LMLN: variants seen among roughly 807,000 people sequenced by gnomAD.
LMLN encodes leishmanolysin-like peptidase.
LMLN carries 70 observed loss-of-function variants against 92.3 expected under a neutral mutation model. The ratio of observed to expected loss-of-function variants is 0.76; its 90% CI spans 0.63 to 0.92. The LOEUF (loss-of-function observed/expected upper bound fraction) is 0.92. Among genes scored for constraint, LMLN ranks in the 40% least tolerant of loss-of-function variants. LMLN has a pLI of 0.00. For synonymous variants in LMLN, 308 were observed against 296.2 expected (o/e 1.04, Z -0.41); for missense variants, 691 against 814.6 (o/e 0.85, Z 1.85).
exon 16 of LMLN, chr3:198,040,305 A>C (rs1193251672): frequency 6.6e-6 from 1 of 152,218 alleles, no homozygotes; most frequent in Non-Finnish European, 1.5e-5. Context: ...TCTGCATTTG[A>C]CACTCCTCCT....
chr3:198,023,097 C>T (rs939891350), intron 13 of LMLN, among the ~76,000 whole-genome samples: 6 of 152,088 alleles, frequency 3.9e-5, no homozygotes, highest in African/African-American at 9.7e-5. Flanking sequence ...CAGCCGTTAC[C>T]GTCTGAAAGC....
chr3:197,985,812 T>A, exon 8 of LMLN: 3 of 1,613,260 alleles, frequency 1.9e-6, no homozygotes, highest in Non-Finnish European at 2.5e-6. Context: ...TCTGCTGGGC[T>A]GTTTGCATTC....
At chr3:197,985,828 T>A in exon 8 of LMLN, 1 of 1,613,764 alleles carries the variant, frequency 6.2e-7, no homozygotes. Context: ...CATTCTACCA[T>A]GATAAAGATG....
intron 14 of LMLN, among the ~76,000 whole-genome samples, chr3:198,028,986 G>A (rs1479811650): frequency 6.6e-6 from 1 of 151,942 alleles, no homozygotes; most frequent in African/African-American, 2.4e-5. Flanking sequence ...GACGTCTCAA[G>A]TACATTTGGT....
At chr3:198,040,362 T>G (rs1022290302) in exon 16 of LMLN, 2 of 152,264 alleles carry the variant, frequency 1.3e-5, no homozygotes, top group African/African-American at 4.8e-5. Context: ...ACACTGGTAC[T>G]AGAGCTTACC....
intron 11 of LMLN, among the ~76,000 whole-genome samples, chr3:198,002,680 G>A (rs1206180313): frequency 1.3e-5 from 2 of 152,236 alleles, no homozygotes; most frequent in Non-Finnish European, 2.9e-5. Context: ...AGAGCTTGTA[G>A]TGAGCTGGGA....
intron 14 of LMLN, among the ~76,000 whole-genome samples, chr3:198,026,956 G>A (rs1009207576): frequency 2.6e-5 from 4 of 152,124 alleles, no homozygotes; most frequent in Non-Finnish European, 5.9e-5. Context: ...GGAAATGTAT[G>A]TATATGTATC....
At chr3:197,993,278 G>C (rs1721926706) in intron 9 of LMLN, among the ~76,000 whole-genome samples, 1 of 152,080 alleles carries the variant, frequency 6.6e-6, no homozygotes, top group Non-Finnish European at 1.5e-5. Flanking sequence ...TCAGGCCATA[G>C]AAATAAATAA....
At chr3:197,960,406 C>A in exon 1 of LMLN, 1 of 1,613,966 alleles carries the variant, frequency 6.2e-7, no homozygotes, top group Non-Finnish European at 8.5e-7. Flanking sequence ...GGCAGTTCCC[C>A]TCCCTGCCGG....
chr3:198,000,970 A>G (rs1486589467), intron 11 of LMLN, among the ~76,000 whole-genome samples: 3 of 152,080 alleles, frequency 2.0e-5, no homozygotes, highest in Non-Finnish European at 4.4e-5. Context: ...AGAAATGTTA[A>G]TCAAGATCCA....
At chr3:198,018,430 G>C (rs1722696844) in intron 11 of LMLN, among the ~76,000 whole-genome samples, 1 of 152,210 alleles carries the variant, frequency 6.6e-6, no homozygotes, top group African/African-American at 2.4e-5. Flanking sequence ...ACAGAAGTGT[G>C]GCTGGTGCTG....
At chr3:198,005,338 G>C (rs1377996231) in intron 11 of LMLN, among the ~76,000 whole-genome samples, 2 of 151,700 alleles carry the variant, frequency 1.3e-5, no homozygotes, top group Non-Finnish European at 2.9e-5. Context: ...TATATATACA[G>C]TTGTTCTTTA....
chr3:198,028,604 G>T (rs1581182106), intron 14 of LMLN, among the ~76,000 whole-genome samples: 1 of 152,114 alleles, frequency 6.6e-6, no homozygotes, highest in East Asian at 1.9e-4. Context: ...TGAGATCATG[G>T]ACCTTATCAT....
chr3:197,993,503 AT>A (rs1034758568), intron 9 of LMLN, among the ~76,000 whole-genome samples: 7 of 151,434 alleles, frequency 4.6e-5, no homozygotes, highest in African/African-American at 1.5e-4. Flanking sequence ...CTCTTTTACA[AT>A]AGCTACCAAA....
At chr3:197,992,108 A>G (rs28678338) in intron 9 of LMLN, among the ~76,000 whole-genome samples, 2 of 150,766 alleles carry the variant, frequency 1.3e-5, no homozygotes, top group Non-Finnish European at 3.0e-5. Context: ...AAAAAAAAAG[A>G]AAAAAGGAAA....
chr3:197,965,542 A>G (rs1404338715), intron 1 of LMLN, among the ~76,000 whole-genome samples: 3 of 152,070 alleles, frequency 2.0e-5, no homozygotes, highest in Non-Finnish European at 2.9e-5. Flanking sequence ...TACCTGGCCT[A>G]TTCTGTAGTT....
intron 5 of LMLN, among the ~76,000 whole-genome samples, chr3:197,978,360 G>T (rs948122562): frequency 3.9e-5 from 6 of 152,120 alleles, no homozygotes; most frequent in Admixed American, 6.5e-5. Context: ...TTTAGGCCGG[G>T]CACAGTAGCT....
chr3:198,017,733 A>C (rs1722679047), intron 11 of LMLN, among the ~76,000 whole-genome samples: 1 of 152,160 alleles, frequency 6.6e-6, no homozygotes, highest in Non-Finnish European at 1.5e-5. Context: ...CCTGGCCAAG[A>C]TGATGAAACC....
In LMLN at chr3:197,975,089, C is replaced by T. The variant is rs760346813; in HGVS notation, c.348+17C>T. 2.2e-6 allele frequency: 3 copies of T among 1,371,666 alleles called. No homozygotes were observed. The highest frequency in any genetic ancestry group is 1.3e-5 in the South Asian group (1 of 79,790). The allele number at this position is 1,371,666 out of a possible 1,614,324, so 85.0% of individuals were successfully genotyped here. A position where few individuals can be genotyped will look rare whatever the true frequency, so the allele number is the denominator to read the frequency against. On this transcript the variant is annotated intron_variant, in intron 3 of 15. Transcript: ENST00000330198. Reference sequence around the variant, plus strand: ...CTTGTAAAGGTATGTAATAAATACTCATAACTTGAATTGGACACTTAAAAT... The same window carrying T: ...CTTGTAAAGGTATGTAATAAATACTTATAACTTGAATTGGACACTTAAAAT...
Sources: gnomAD v4.1 joint callset for allele counts (sites outside exome capture counted in the v4.1 genomes callset) on GRCh38, gnomAD v4.1.1 for gene constraint, MANE v1.5 for transcripts, NCBI Gene and HGNC (gene_info 2026-07-23, HGNC 2026-07-21) for gene names.